Variants in POLK observed in about 807,000 individuals in gnomAD.
POLK encodes the protein polymerase (DNA directed) kappa.
A neutral mutation model predicts 94.0 loss-of-function variants in POLK; 76 were observed. That is an observed-to-expected ratio of 0.81 (90% confidence interval 0.67 to 0.98). POLK has a LOEUF of 0.98. POLK is among the 50% of genes least tolerant of loss of function. The pLI, the probability that POLK is intolerant of heterozygous loss-of-function variation, is 0.00. For missense variants in POLK, 954 were observed against 1,010.1 expected (o/e 0.94, Z 0.75); for synonymous variants, 349 against 325.4 (o/e 1.07, Z -0.78).
chr5:75,603,554 A>G (rs1773349490), downstream of POLK, among the ~76,000 whole-genome samples: 2 of 152,288 alleles, frequency 1.3e-5, no homozygotes, highest in South Asian at 2.1e-4. Flanking sequence ...TCCCACCATG[A>G]CAGATTTCAA....
chr5:75,594,042 G>T, exon 12 of POLK: 1 of 1,585,724 alleles, frequency 6.3e-7, no homozygotes, highest in Non-Finnish European at 8.6e-7. Context: ...TGAGATTAAG[G>T]CTTATGGGTA....
intron 2 of POLK, among the ~76,000 whole-genome samples, chr5:75,547,814 A>G (rs1006987985): frequency 5.9e-5 from 9 of 152,240 alleles, no homozygotes; most frequent in Admixed American, 1.3e-4. Context: ...GAGAGTATGT[A>G]TTACCATACT....
chr5:75,581,950 A>G, intron 7 of POLK: 1 of 832,590 alleles, frequency 1.2e-6, no homozygotes, highest in Non-Finnish European at 1.4e-6. Context: ...AAGTGCTGGG[A>G]TTACAGGCCT....
At chr5:75,579,050 A>C (rs919849538) in intron 6 of POLK, among the ~76,000 whole-genome samples, 1 of 152,258 alleles carries the variant, frequency 6.6e-6, no homozygotes, top group Non-Finnish European at 1.5e-5. Flanking sequence ...CTCACAAAAA[A>C]GTAGAAAGTA....
chr5:75,578,409 G>A (rs967278616), intron 6 of POLK, among the ~76,000 whole-genome samples: 2 of 152,100 alleles, frequency 1.3e-5, no homozygotes, highest in Non-Finnish European at 2.9e-5. Context: ...TGCCCGCCTC[G>A]GCCTTCCAAA....
At chr5:75,529,643 A>T (rs190645390) in intron 1 of POLK, among the ~76,000 whole-genome samples, 251 of 152,268 alleles carry the variant, frequency 1.6e-3, no homozygotes, top group African/African-American at 5.3e-3. Context: ...CAGATTTTTT[A>T]AAAAAATTTT....
intron 1 of POLK, among the ~76,000 whole-genome samples, chr5:75,524,153 A>C (rs984461296): frequency 9.2e-5 from 14 of 152,130 alleles, no homozygotes; most frequent in East Asian, 5.8e-4. Flanking sequence ...ACAAAAAAAA[A>C]CTTTCAGATT....
chr5:75,590,575 T>TC, intron 11 of POLK, 135 bp downstream of exon 11: 1 of 606,876 alleles, frequency 1.6e-6, no homozygotes. Flanking sequence ...TGTATTCCTA[T>TC]CCCCAACAGT....
At chr5:75,605,808 T>G (rs1773408958), downstream of POLK, among the ~76,000 whole-genome samples, 1 of 152,052 alleles carries the variant, frequency 6.6e-6, no homozygotes, top group South Asian at 2.1e-4. Flanking sequence ...AGGAGAAATC[T>G]TCCATGAAGA....
chr5:75,580,258 A>G (rs928044206), intron 6 of POLK, among the ~76,000 whole-genome samples: 1 of 152,098 alleles, frequency 6.6e-6, no homozygotes, highest in Non-Finnish European at 1.5e-5. Flanking sequence ...GAAAATATTT[A>G]TATGTAATAA....
chr5:75,529,854 A>G (rs1244882361), intron 1 of POLK, among the ~76,000 whole-genome samples: 1 of 152,176 alleles, frequency 6.6e-6, no homozygotes, highest in East Asian at 1.9e-4. Context: ...GAATATAAAC[A>G]TGTACATATA....
At chr5:75,542,970 C>G (rs954273234) in intron 1 of POLK, among the ~76,000 whole-genome samples, 1 of 150,030 alleles carries the variant, frequency 6.7e-6, no homozygotes, top group Non-Finnish European at 1.5e-5. Context: ...CTCGGCCTCC[C>G]AAAGTGCTGG....
intron 1 of POLK, among the ~76,000 whole-genome samples, chr5:75,522,868 A>T (rs1476011698): frequency 6.6e-6 from 1 of 152,128 alleles, no homozygotes; most frequent in East Asian, 1.9e-4. Flanking sequence ...GTTAAAAAAA[A>T]AGAATCCTTT....
chr5:75,563,588 T>C (rs1329339535), intron 3 of POLK, among the ~76,000 whole-genome samples: 1 of 152,222 alleles, frequency 6.6e-6, no homozygotes. Flanking sequence ...GAGATTCTGG[T>C]ACATTGTGTC....
At chr5:75,564,600 C>G (rs531560584) in intron 3 of POLK, among the ~76,000 whole-genome samples, 29 of 152,274 alleles carry the variant, frequency 1.9e-4, no homozygotes, top group Middle Eastern at 3.4e-3. Flanking sequence ...GACAGAATTC[C>G]TCAGCATTTG....
intron 1 of POLK, among the ~76,000 whole-genome samples, chr5:75,538,022 A>G (rs1348999317): frequency 6.6e-6 from 1 of 151,774 alleles, no homozygotes; most frequent in East Asian, 1.9e-4. Context: ...ACACCTGGCT[A>G]ATTTTTTGTA....
chr5:75,600,349 G>C (rs1773270333), exon 15 of POLK: 2 of 152,140 alleles, frequency 1.3e-5, no homozygotes, highest in African/African-American at 4.8e-5. Flanking sequence ...GATGATGTCA[G>C]CTCTTACATT....
intron 3 of POLK, among the ~76,000 whole-genome samples, chr5:75,568,110 T>G (rs188841165): frequency 9.8e-5 from 15 of 152,294 alleles, no homozygotes; most frequent in Admixed American, 6.5e-4. Flanking sequence ...TTGAGAAAAC[T>G]TGCTAGAGGG....
chr5:75,532,071 T>TAA (rs1769209231), intron 1 of POLK, among the ~76,000 whole-genome samples: 1 of 152,220 alleles, frequency 6.6e-6, no homozygotes. Context: ...CATTCCATTA[T>TAA]AAACCATTTT....
Sources: gnomAD v4.1 joint callset for allele counts (sites outside exome capture counted in the v4.1 genomes callset) on GRCh38, gnomAD v4.1.1 for gene constraint, MANE v1.5 for transcripts, NCBI Gene and HGNC (gene_info 2026-07-23, HGNC 2026-07-21) for gene names.